C9orf153: variants seen among roughly 807,000 people sequenced by gnomAD.
The protein encoded by C9orf153 is uncharacterized protein C9orf153.
Under a neutral mutation model 9.0 loss-of-function variants are expected in C9orf153, and 10 were observed. The ratio of observed to expected loss-of-function variants is 1.11; its 90% CI spans 0.69 to 1.89. The LOEUF is 1.89. Ranked by LOEUF, C9orf153 falls within the 40% of genes most tolerant of loss-of-function variation. The pLI is 0.00. For missense variants in C9orf153, 108 were observed against 111.0 expected, an observed-to-expected ratio of 0.97 and a Z score of 0.12; for synonymous variants, 35 against 37.3, an observed-to-expected ratio of 0.94 and a Z score of 0.23.
At chr9:86,224,498 G>C (rs949748328) in intron 3 of C9orf153, among the ~76,000 whole-genome samples, 5 of 152,024 alleles carry the variant, frequency 3.3e-5, no homozygotes, top group African/African-American at 4.8e-5. Context: ...AATAAGATAT[G>C]GTATCTTACA....
intron 1 of C9orf153, among the ~76,000 whole-genome samples, chr9:86,254,866 GC>G (rs1473734408): frequency 1.3e-5 from 2 of 152,080 alleles, no homozygotes; most frequent in Non-Finnish European, 2.9e-5. Context: ...AGACCAGCCA[GC>G]CAGCCTGGCA....
intron 1 of C9orf153, among the ~76,000 whole-genome samples, chr9:86,242,305 A>C (rs972988744): frequency 6.6e-6 from 1 of 151,980 alleles, no homozygotes; most frequent in Non-Finnish European, 1.5e-5. Context: ...CCTTGCAGAG[A>C]GGGAACTGAG....
chr9:86,227,677 C>T (rs1053042746), intron 3 of C9orf153, 178 bp downstream of exon 3: 32 of 985,138 alleles, frequency 3.2e-5, no homozygotes, highest in Middle Eastern at 5.2e-4. Flanking sequence ...CCAAGGCATT[C>T]GAGTGATCGG....
At chr9:86,250,571 G>A (rs934121836) in intron 1 of C9orf153, among the ~76,000 whole-genome samples, 1 of 152,186 alleles carries the variant, frequency 6.6e-6, no homozygotes, top group African/African-American at 2.4e-5. Flanking sequence ...GATTAACTCT[G>A]TAGCCGGGTT....
In C9orf153 at chr9:86,229,652, A is replaced by C; in HGVS notation, c.-26-23T>G. ...TTCCTAAAAAAAGCAATATGAGAAA[A>C]GACAAAAATCAAAGATTAAAAATCA... is the stretch of plus-strand genomic sequence containing the variant. On this transcript the variant is annotated intron_variant, in intron 1 of 3. Coordinates refer to ENST00000339137, the MANE Select transcript of C9orf153 (RefSeq NM_001276366.4). 2.2e-6 allele frequency: 3 copies of C among 1,366,616 alleles called. No individual in the cohort carries two copies. In the South Asian group the frequency reaches 3.6e-5, roughly 16 times the overall value. The allele number at this position is 1,366,616 out of a possible 1,614,324, so 84.7% of individuals were successfully genotyped here. A position where few individuals can be genotyped will look rare whatever the true frequency, so the allele number is the denominator to read the frequency against.
intron 1 of C9orf153, among the ~76,000 whole-genome samples, chr9:86,245,922 CT>C (rs1824855234): frequency 6.6e-6 from 1 of 152,192 alleles, no homozygotes; most frequent in Non-Finnish European, 1.5e-5. Flanking sequence ...CTAAAGAATC[CT>C]GATGATACTT....
chr9:86,227,939 G>A lies in C9orf153; in HGVS notation c.158C>T (p.Ala53Val), dbSNP rs1303318839. 1 of 1,613,802 alleles carries A rather than the reference G, an allele frequency of 6.2e-7. No individual in the cohort carries two copies. ...LKMHGISLNE[A>V]QEVLARNLNV... ...CAGGTTTCTAGCAAGTACTTCCTGTGCTTCGTTAAGTGAAATACCATGCAT... is the reference window on the plus strand; with the variant it reads ...CAGGTTTCTAGCAAGTACTTCCTGTACTTCGTTAAGTGAAATACCATGCAT... The change falls in exon 3 of 4, where the codon GCA becomes GTA. Residue 53 changes from alanine to valine, a missense_variant. Ala to Val is a moderately conservative substitution (Grantham distance 64). Transcript: ENST00000339137.
chr9:86,232,325 C>A (rs1824490799), intron 1 of C9orf153, among the ~76,000 whole-genome samples: 1 of 152,198 alleles, frequency 6.6e-6, no homozygotes, highest in Non-Finnish European at 1.5e-5. Flanking sequence ...ACTTGACTAG[C>A]AAACTTTTAA....
In C9orf153 at chr9:86,255,075, A is replaced by AG. The variant is rs1554686701; in HGVS notation, c.-27+4474_-27+4475insC. 1.1e-3 allele frequency among the ~76,000 whole-genome samples: 174 copies of AG among 151,750 alleles called. 3 individuals carry two copies. The South Asian group carries it at 0.019, about 16-fold the overall frequency. ...GAGACGCTGTCTCAGAAAAAAAAAA[A>AG]AGAGAGAGAAAAAGAAATGAGACTA... On this transcript the variant is annotated intron_variant, in intron 1 of 3. Transcript: ENST00000339137.
intron 1 of C9orf153, among the ~76,000 whole-genome samples, chr9:86,255,193 T>G (rs1825093884): frequency 6.6e-6 from 1 of 151,744 alleles, no homozygotes; most frequent in Non-Finnish European, 1.5e-5. Context: ...TCTAACAACT[T>G]CTAACCCAAA....
intron 1 of C9orf153, among the ~76,000 whole-genome samples, chr9:86,231,379 T>C (rs1232314831): frequency 6.6e-6 from 1 of 152,120 alleles, no homozygotes; most frequent in East Asian, 1.9e-4. Context: ...TAAGAGAATA[T>C]ATGGATGGAA....
rs148838357 is a variant in C9orf153, at chr9:86,228,373, G to A, written c.67-343C>T. Among the ~76,000 whole-genome samples the A allele has an allele frequency of 2.0e-5, 3 of 152,282 alleles. No individual in the cohort carries two copies. The East Asian group carries it at 5.8e-4, about 29-fold the overall frequency. ...TGAGTGACCACGGAGAGAAATAGCT[G>A]TGGGAGACTGTGGCCTTTGCTTGTT... On this transcript the variant is annotated intron_variant, in intron 2 of 3. Transcript: ENST00000339137.
At chr9:86,241,510 AAGTG>A (rs1807056635) in intron 1 of C9orf153, among the ~76,000 whole-genome samples, 4 of 152,370 alleles carry the variant, frequency 2.6e-5, no homozygotes, top group Admixed American at 2.6e-4. Flanking sequence ...TAGCAAGAGA[AAGTG>A]AGGCATGTAT....
chr9:86,258,725 C>G (rs372908835), intron 1 of C9orf153: 2 of 152,090 alleles, frequency 1.3e-5, no homozygotes, highest in Non-Finnish European at 2.9e-5. Flanking sequence ...GCTAATTTAA[C>G]GAAACTTTTT....
chr9:86,225,963 C>T (rs79679444), intron 3 of C9orf153, among the ~76,000 whole-genome samples: 3,580 of 152,194 alleles, frequency 0.024, 135 homozygotes, highest in African/African-American at 0.079. Flanking sequence ...AAACTTGGCC[C>T]GTATACATGT....
chr9:86,253,848 T>TAC (rs1825047497), intron 1 of C9orf153, among the ~76,000 whole-genome samples: 2 of 152,128 alleles, frequency 1.3e-5, no homozygotes, highest in Non-Finnish European at 2.9e-5. Context: ...TCCCAGCCCT[T>TAC]TGGGAGGCCA....
rs114669433 is a variant in C9orf153 at position 86,251,090 on chromosome 9, T to A, written c.-27+8460A>T. ...TTAACAATAATTGTTTTTTAGAACA[T>A]GTTTACTTAGAAAAGTTTTCTCAAA... On this transcript the variant is annotated intron_variant, in intron 1 of 3. Transcript: ENST00000339137. Among the ~76,000 whole-genome samples the A allele has an allele frequency of 2.7e-3, 414 of 152,302 alleles. 2 individuals carry two copies. Among genetic ancestry groups the A allele is most frequent in the African/African-American group, 9.7e-3 (404 of 41,568 alleles).
chr9:86,221,762 A>T, intron 3 of C9orf153, 29 bp from the exon 4 acceptor site: 1 of 1,464,376 alleles, frequency 6.8e-7, no homozygotes, highest in Non-Finnish European at 9.4e-7. Flanking sequence ...TCAAAGAATC[A>T]CATGGTGTTG....
chr9:86,223,890 A>T (rs1265795454), intron 3 of C9orf153, among the ~76,000 whole-genome samples: 1 of 152,224 alleles, frequency 6.6e-6, no homozygotes, highest in African/African-American at 2.4e-5. Flanking sequence ...CAGAGAGTGG[A>T]ATCACGGTCA....
Sources: gnomAD v4.1 joint callset for allele counts (sites outside exome capture counted in the v4.1 genomes callset) on GRCh38, gnomAD v4.1.1 for gene constraint, MANE v1.5 for transcripts, NCBI Gene and HGNC (gene_info 2026-07-23, HGNC 2026-07-21) for gene names.